KCNIP4: variants seen among roughly 807,000 people sequenced by gnomAD.
The protein encoded by KCNIP4 is potassium voltage-gated channel interacting protein 4, also known as Kv channel-interacting protein 4.
A neutral mutation model predicts 34.0 loss-of-function variants in KCNIP4; 12 were observed. The observed-to-expected ratio is 0.35, with a 90% CI of 0.23 to 0.57. KCNIP4 has a LOEUF of 0.57. Among genes scored for constraint, KCNIP4 ranks in the 20% least tolerant of loss-of-function variants. The pLI, the probability that KCNIP4 is intolerant of heterozygous loss-of-function variation, is 0.83. For missense variants in KCNIP4, 238 were observed against 311.7 expected (o/e 0.76, Z 1.78); for synonymous variants, 124 against 102.2 (o/e 1.21, Z -1.29).
At chr4:21,761,287 AC>A (rs35851920) in intron 1 of KCNIP4, among the ~76,000 whole-genome samples, 15,325 of 152,040 alleles carry the variant, frequency 0.1, 833 homozygotes, top group Middle Eastern at 0.18. Context: ...TCTAAATTGA[AC>A]CCTGGTGGTT....
chr4:21,234,211 T>C (rs1560198561), intron 1 of KCNIP4, among the ~76,000 whole-genome samples: 5 of 95,492 alleles, frequency 5.2e-5, no homozygotes, highest in African/African-American at 3.1e-4. Flanking sequence ...ATATATAACG[T>C]ATATTATATA....
intron 1 of KCNIP4, among the ~76,000 whole-genome samples, chr4:21,175,318 G>T: frequency 6.6e-6 from 1 of 152,070 alleles, no homozygotes; most frequent in East Asian, 1.9e-4. Context: ...TAATCACATT[G>T]ACCAACTACA....
intron 1 of KCNIP4, among the ~76,000 whole-genome samples, chr4:21,288,895 A>G (rs544040052): frequency 1.3e-5 from 2 of 152,338 alleles, no homozygotes; most frequent in Non-Finnish European, 2.9e-5. Context: ...ATTGCTCCAA[A>G]GGACAGGATC....
At chr4:21,382,975 A>G (rs1249575597) in intron 1 of KCNIP4, among the ~76,000 whole-genome samples, 1 of 152,180 alleles carries the variant, frequency 6.6e-6, no homozygotes, top group Non-Finnish European at 1.5e-5. Flanking sequence ...GCATTTGGAG[A>G]CAGAGCATTT....
intron 1 of KCNIP4, among the ~76,000 whole-genome samples, chr4:21,867,722 TAAACCAC>T (rs1219277051): frequency 6.6e-6 from 1 of 152,248 alleles, no homozygotes; most frequent in African/African-American, 2.4e-5. Flanking sequence ...GAGAATCCTC[TAAACCAC>T]AGAAACAATA....
chr4:21,924,406 G>C (rs1729119006), intron 1 of KCNIP4, among the ~76,000 whole-genome samples: 1 of 151,778 alleles, frequency 6.6e-6, no homozygotes, highest in Admixed American at 6.6e-5. Flanking sequence ...ACCACACCTG[G>C]CTAATTTTTT....
intron 1 of KCNIP4, among the ~76,000 whole-genome samples, chr4:21,513,747 C>T (rs1033341972): frequency 2.0e-5 from 3 of 152,156 alleles, no homozygotes; most frequent in Admixed American, 6.6e-5. Flanking sequence ...GCTCTTTCAA[C>T]GTTGCTACTT....
At chr4:21,761,686 T>C (rs1268066769) in intron 1 of KCNIP4, among the ~76,000 whole-genome samples, 1 of 152,106 alleles carries the variant, frequency 6.6e-6, no homozygotes, top group Non-Finnish European at 1.5e-5. Flanking sequence ...AAGTGTTTCT[T>C]ATAACAAAAT....
Position 21,773,681 on chromosome 4 carries a change from G to C in KCNIP4, c.61+174890C>G, listed in dbSNP as rs1032366927. Among the ~76,000 whole-genome samples, 16 of 149,212 alleles carry C rather than the reference G, an allele frequency of 1.1e-4. 1 individual carries two copies. The highest frequency in any genetic ancestry group is 6.7e-4 in the Admixed American group (10 of 15,010). ...TTATTGTTATCTAATGCCCTTTTTT[G>C]TCTTTCTTGGTTTAAAGTCTGTTTT... On this transcript the variant is annotated intron_variant, in intron 1 of 8. Coordinates refer to ENST00000382152, the MANE Select transcript of KCNIP4 (RefSeq NM_025221.6).
intron 1 of KCNIP4, among the ~76,000 whole-genome samples, chr4:21,238,360 A>G (rs892952410): frequency 1.3e-5 from 2 of 152,116 alleles, no homozygotes; most frequent in Non-Finnish European, 2.9e-5. Flanking sequence ...ATTCAACATA[A>G]TGTTGGAAGT....
chr4:21,195,176 A>G (rs1357659450), intron 1 of KCNIP4, among the ~76,000 whole-genome samples: 2 of 152,186 alleles, frequency 1.3e-5, no homozygotes, highest in Non-Finnish European at 2.9e-5. Context: ...TGAGGTACAG[A>G]TGCCAGTCAC....
chr4:20,841,828 A>C (rs982586001), intron 3 of KCNIP4, among the ~76,000 whole-genome samples: 8 of 132,444 alleles, frequency 6.0e-5, no homozygotes, highest in Non-Finnish European at 1.3e-4. Flanking sequence ...AATAAAATAC[A>C]AATGACGTTC....
intron 1 of KCNIP4, among the ~76,000 whole-genome samples, chr4:21,455,575 C>A (rs575377817): frequency 2.6e-4 from 39 of 149,794 alleles, no homozygotes; most frequent in Admixed American, 5.3e-4. Flanking sequence ...TCAGATAAAT[C>A]CAGTGATGTA....
At chr4:21,814,051 G>C (rs554666962) in intron 1 of KCNIP4, among the ~76,000 whole-genome samples, 5 of 151,898 alleles carry the variant, frequency 3.3e-5, no homozygotes, top group African/African-American at 1.2e-4. Context: ...TGTCAAGCCG[G>C]TTTTTTTTAA....
In KCNIP4 at chr4:21,074,688, T is replaced by A. The variant is rs1335987092; in HGVS notation, c.62-191979A>T. Among the ~76,000 whole-genome samples, 4 of 152,202 alleles carry A rather than the reference T, an allele frequency of 2.6e-5. No homozygotes were observed. In the South Asian group the frequency reaches 8.3e-4, roughly 31 times the overall value. On this transcript the variant is annotated intron_variant, in intron 1 of 8. Coordinates refer to ENST00000382152, the MANE Select transcript of KCNIP4 (RefSeq NM_025221.6). ...TTCTTGCCTTCTGCTAGCTTTTGAATGTGTTTGCTCTTGCTTCCCTAGTTC... is the reference window on the plus strand; with the variant it reads ...TTCTTGCCTTCTGCTAGCTTTTGAAAGTGTTTGCTCTTGCTTCCCTAGTTC...
At chr4:21,645,086 C>T (rs1211249463) in intron 1 of KCNIP4, among the ~76,000 whole-genome samples, 1 of 152,012 alleles carries the variant, frequency 6.6e-6, no homozygotes, top group African/African-American at 2.4e-5. Context: ...GCAATAATTA[C>T]CAATTATTAA....
intron 1 of KCNIP4, among the ~76,000 whole-genome samples, chr4:21,527,870 G>A (rs73252236): frequency 0.039 from 5,952 of 152,136 alleles, 103 homozygotes; most frequent in South Asian, 0.051. Flanking sequence ...CTTAACTACT[G>A]TACCACAGGG....
At chr4:21,775,387 G>A (rs1472406438) in intron 1 of KCNIP4, among the ~76,000 whole-genome samples, 1 of 152,136 alleles carries the variant, frequency 6.6e-6, no homozygotes, top group Admixed American at 6.5e-5. Context: ...ATGCCAGCAG[G>A]ATTGTTCCTG....
intron 1 of KCNIP4, among the ~76,000 whole-genome samples, chr4:21,471,212 T>C (rs1730442202): frequency 6.6e-6 from 1 of 152,158 alleles, no homozygotes; most frequent in Non-Finnish European, 1.5e-5. Context: ...AGAAGTTCTG[T>C]TTTTAGGAAT....
Sources: gnomAD v4.1 joint callset for allele counts (sites outside exome capture counted in the v4.1 genomes callset) on GRCh38, gnomAD v4.1.1 for gene constraint, MANE v1.5 for transcripts, NCBI Gene and HGNC (gene_info 2026-07-23, HGNC 2026-07-21) for gene names.